The following BLM variants were observed in gnomAD, a reference collection of about 807,000 sequenced individuals.
BLM encodes the protein recQ-like DNA helicase BLM.
Under a neutral mutation model 135.3 loss-of-function variants are expected in BLM, and 95 were observed. The ratio of observed to expected loss-of-function variants is 0.70; its 90% CI spans 0.59 to 0.83. The LOEUF is 0.83. BLM is among the 40% of genes least tolerant of loss of function. The pLI, the probability that BLM is intolerant of heterozygous loss-of-function variation, is 0.00. For synonymous variants in BLM, 520 were observed against 589.2 expected (o/e 0.88, Z 1.70); for missense variants, 1,518 against 1,663.9 (o/e 0.91, Z 1.53).
Position 90,794,566 on chromosome 15 carries a change from A to G in BLM, c.3210+209A>G, listed in dbSNP as rs6496727. Among the ~76,000 whole-genome samples the G allele has an allele frequency of 0.06, 9,045 of 151,882 alleles. 308 individuals carry two copies. Among genetic ancestry groups the G allele is most frequent in the African/African-American group, 0.087 (3,593 of 41,468 alleles). ...TATAATTAGAACCCTGTTAAAAAAT[A>G]TAATGGACATCAGCATATCCAGAAT... On this transcript the variant is annotated intron_variant, in intron 16 of 21. Transcript: ENST00000355112.
At chr15:90,762,678 GAAA>G (rs1896018167) in intron 7 of BLM, among the ~76,000 whole-genome samples, 3 of 152,066 alleles carry the variant, frequency 2.0e-5, no homozygotes, top group Admixed American at 2.0e-4. Flanking sequence ...AAAATGAGTA[GAAA>G]ACCATGATTG....
chr15:90,777,265 C>T lies in BLM; in HGVS notation c.2556-5557C>T, dbSNP rs145228164. On this transcript the variant is annotated intron_variant, in intron 12 of 21. Coordinates refer to ENST00000355112, the MANE Select transcript of BLM (RefSeq NM_000057.4). The stretch of plus-strand genomic sequence containing the variant: ...CTCCGGGATTCAAGTGATTCTCCTG[C>T]CTCAGCCTCCCAAGTAGCTGGGATT... Among the ~76,000 whole-genome samples the T allele has an allele frequency of 8.8e-3, 1,345 of 152,230 alleles. 12 individuals are homozygous for T. The highest frequency in any genetic ancestry group is 0.014 in the Middle Eastern group (4 of 294).
intron 5 of BLM, among the ~76,000 whole-genome samples, chr15:90,756,259 A>G (rs1020609525): frequency 6.6e-6 from 1 of 152,132 alleles, no homozygotes; most frequent in African/African-American, 2.4e-5. Context: ...GTGTACCACC[A>G]TATCTGGCTA....
In BLM at chr15:90,773,778, G is replaced by C. The variant is rs116136437; in HGVS notation, c.2555+4192G>C. Among the ~76,000 whole-genome samples, 1,201 of 152,118 alleles carry C rather than the reference G, an allele frequency of 7.9e-3. 18 individuals carry two copies. The highest frequency in any genetic ancestry group is 0.028 in the African/African-American group (1,147 of 41,506). ...TTCTTTCACTGAGCATGTTTTTAAG[G>C]TTCCTCCATGTTGTAGCCTGTTTTC... On this transcript the variant is annotated intron_variant, in intron 12 of 21. Coordinates refer to ENST00000355112, the MANE Select transcript of BLM (RefSeq NM_000057.4).
intron 12 of BLM, among the ~76,000 whole-genome samples, chr15:90,774,948 A>ATT: frequency 6.6e-6 from 1 of 152,184 alleles, no homozygotes; most frequent in African/African-American, 2.4e-5. Context: ...TAACGATGGT[A>ATT]AAATGTTTGG....
At chr15:90,797,590 G>A (rs186553482) in intron 16 of BLM, among the ~76,000 whole-genome samples, 1 of 152,226 alleles carries the variant, frequency 6.6e-6, no homozygotes, top group East Asian at 1.9e-4. Context: ...TTAGAAGGTA[G>A]GGAGGGCTGC....
intron 8 of BLM, among the ~76,000 whole-genome samples, chr15:90,764,457 C>T (rs1256277556): frequency 6.6e-6 from 1 of 151,698 alleles, no homozygotes; most frequent in Non-Finnish European, 1.5e-5. Flanking sequence ...AAACAATCCC[C>T]CCCACCTTAG....
intron 17 of BLM, among the ~76,000 whole-genome samples, chr15:90,798,562 C>T (rs1172494454): frequency 1.3e-5 from 2 of 152,126 alleles, no homozygotes; most frequent in Non-Finnish European, 2.9e-5. Flanking sequence ...AATAATAAAG[C>T]TTATGCGAGT....
intron 14 of BLM, among the ~76,000 whole-genome samples, chr15:90,787,038 T>C (rs1194185088): frequency 8.6e-5 from 2 of 23,388 alleles, no homozygotes; most frequent in East Asian, 5.5e-4. Context: ...AGGCATCTCT[T>C]TTTTTTTTTT....
chr15:90,760,693 G>A lies in BLM; in HGVS notation c.1320G>A (p.Glu440=). 6.2e-7 allele frequency: 1 copy of A among 1,614,040 alleles called. No individual in the cohort carries two copies. Among genetic ancestry groups the A allele is most frequent in the Non-Finnish European group, 8.5e-7 (1 of 1,179,936 alleles). ...CTGATTCACTTGATGGCCCTATGGA[G>A]GGTGATTCCTGCCCTACAGGGAATT... The part of the protein sequence containing the change: ...YRPDSLDGPM[E]GDSCPTGNSM... Residue 440 remains glutamate (E), a synonymous_variant, in exon 7 of 22, where the codon GAG becomes GAA. Transcript: ENST00000355112.
At chr15:90,802,659 G>GCAAAAA (rs1897190617) in intron 17 of BLM, among the ~76,000 whole-genome samples, 1 of 152,176 alleles carries the variant, frequency 6.6e-6, no homozygotes, top group Non-Finnish European at 1.5e-5. Flanking sequence ...AAAATTGTTT[G>GCAAAAA]TAGCCAGGCT....
intron 10 of BLM, among the ~76,000 whole-genome samples, chr15:90,768,161 T>G (rs921422604): frequency 6.6e-6 from 1 of 152,136 alleles, no homozygotes; most frequent in Non-Finnish European, 1.5e-5. Flanking sequence ...CAGGCTGGTC[T>G]CAAACTCCTG....
At chr15:90,782,751 T>C in intron 12 of BLM, 71 bp from the exon 13 acceptor site, 2 of 1,163,254 alleles carry the variant, frequency 1.7e-6, no homozygotes, top group African/African-American at 1.5e-5. Context: ...GGGGGACACA[T>C]GTAGTCTATA....
At chr15:90,762,794 G>C (rs1896020327) in intron 7 of BLM, among the ~76,000 whole-genome samples, 172 bp from the exon 8 acceptor site, 1 of 152,074 alleles carries the variant, frequency 6.6e-6, no homozygotes, top group Non-Finnish European at 1.5e-5. Flanking sequence ...TTGGGACTTT[G>C]GCAAGTTTTT....
rs765696829 is a variant in BLM at position 90,749,971 on chromosome 15, G to A, written c.703G>A (p.Val235Met). 2 of 1,614,228 alleles carry A rather than the reference G, an allele frequency of 1.2e-6. No homozygotes were observed. Among genetic ancestry groups the A allele is most frequent in the South Asian group, 1.1e-5 (1 of 91,086 alleles). ...TGACTCAGAATGGTTAAGCAGCGAT[G>A]TGATTTGCATCGATGATGGCCCCAT... ...KDDSEWLSSD[V>M]ICIDDGPIAE... Residue 235 changes from valine (V) to methionine (M), a missense_variant, in exon 3 of 22, where the codon GTG becomes ATG. Transcript: ENST00000355112.
chr15:90,733,645 T>C (rs1160373247), intron 1 of BLM, among the ~76,000 whole-genome samples: 1 of 152,230 alleles, frequency 6.6e-6, no homozygotes, highest in Non-Finnish European at 1.5e-5. Context: ...TAGACCCTCT[T>C]TTTTAAAGTA....
chr15:90,800,046 G>A (rs1471727007), intron 17 of BLM, among the ~76,000 whole-genome samples: 1 of 152,196 alleles, frequency 6.6e-6, no homozygotes, highest in Non-Finnish European at 1.5e-5. Context: ...GCCTTCCCTG[G>A]TTTTTCCCAG....
intron 14 of BLM, among the ~76,000 whole-genome samples, chr15:90,787,084 C>G (rs1201039800): frequency 2.8e-5 from 3 of 105,898 alleles, no homozygotes; most frequent in Non-Finnish European, 5.2e-5. Flanking sequence ...GAGTCTCACT[C>G]TGTCGCCCAG....
At position 90,760,633 on chromosome 15, in the gene BLM, T is replaced by TG. The variant is rs1244035831; in HGVS notation, c.1261dup (p.Ala421GlyfsTer13). 1 of 1,612,630 alleles carries TG rather than the reference T, an allele frequency of 6.2e-7. No individual in the cohort carries two copies. The highest frequency in any genetic ancestry group is 1.1e-5 in the South Asian group (1 of 90,946). Reference sequence around the variant, plus strand: ...CGGAAGTAGATTTTAATAAAAGTGATGCCAGTCTTCTTGGCTCATTGTGGA... The same window carrying TG: ...CGGAAGTAGATTTTAATAAAAGTGATGGCCAGTCTTCTTGGCTCATTGTGGA... On this transcript the variant is annotated frameshift_variant, in exon 7 of 22. Coordinates refer to ENST00000355112, the MANE Select transcript of BLM (RefSeq NM_000057.4). LOFTEE classifies it high-confidence loss of function.
Sources: gnomAD v4.1 joint callset for allele counts (sites outside exome capture counted in the v4.1 genomes callset) on GRCh38, gnomAD v4.1.1 for gene constraint, MANE v1.5 for transcripts, NCBI Gene and HGNC (gene_info 2026-07-23, HGNC 2026-07-21) for gene names.